DAB1: variants seen among roughly 807,000 people sequenced by gnomAD.
DAB1 encodes DAB adaptor protein 1, also known as disabled homolog 1.
A neutral mutation model predicts 64.6 loss-of-function variants in DAB1; 15 were observed. The ratio of observed to expected loss-of-function variants is 0.23; its 90% CI spans 0.16 to 0.36. The LOEUF (loss-of-function observed/expected upper bound fraction) is 0.36. Ranked by LOEUF, DAB1 falls within the 10% of genes least tolerant of loss-of-function variation. DAB1 has a pLI of 1.00. For synonymous variants in DAB1, 235 were observed against 251.9 expected (o/e 0.93, Z 0.64); for missense variants, 596 against 706.7 (o/e 0.84, Z 1.78).
chr1:58,195,319 T>C (rs1299115820), intron 4 of DAB1, among the ~76,000 whole-genome samples: 1 of 152,168 alleles, frequency 6.6e-6, no homozygotes, highest in Admixed American at 6.5e-5. Flanking sequence ...GAAAGATAAC[T>C]GACTTAAGGA....
At chr1:57,922,044 C>G (rs539378898) in intron 5 of DAB1, among the ~76,000 whole-genome samples, 131 of 152,304 alleles carry the variant, frequency 8.6e-4, no homozygotes, top group African/African-American at 3.1e-3. Flanking sequence ...TAAATATCAC[C>G]CTATCCTTTT....
intron 4 of DAB1, among the ~76,000 whole-genome samples, chr1:58,155,044 G>A (rs1026276344): frequency 6.6e-6 from 1 of 152,130 alleles, no homozygotes; most frequent in African/African-American, 2.4e-5. Context: ...CCAAAAAAGG[G>A]CACTACTCAG....
intron 10 of DAB1, 35 bp from the exon 11 acceptor site, chr1:57,023,674 C>T (rs1473216210): frequency 1.4e-6 from 2 of 1,387,822 alleles, no homozygotes; most frequent in Middle Eastern, 1.8e-4. Context: ...ACACATGAGA[C>T]CTGGCTTAGC....
chr1:57,057,647 G>A (rs919804014), intron 9 of DAB1, among the ~76,000 whole-genome samples: 41 of 139,800 alleles, frequency 2.9e-4, no homozygotes, highest in Middle Eastern at 3.8e-3. Flanking sequence ...TCGTTCTGTT[G>A]CCCAGGCTGG....
chr1:57,812,164 G>C (rs144268828), intron 6 of DAB1, among the ~76,000 whole-genome samples: 13 of 151,954 alleles, frequency 8.6e-5, no homozygotes, highest in African/African-American at 3.1e-4. Flanking sequence ...CATGGAGAAG[G>C]TGCCAGTATA....
rs1315978240 is a variant in DAB1 at position 57,014,964 on chromosome 1, C to T, written c.1363G>A (p.Asp455Asn). 1.9e-6 allele frequency: 3 copies of T among 1,613,856 alleles called. No individual in the cohort carries two copies. The highest frequency in any genetic ancestry group is 2.2e-5 in the East Asian group (1 of 44,870). Residue 455 changes from aspartate to asparagine, a missense_variant, in exon 12 of 15, where the codon GAT (aspartate) becomes AAT (asparagine). Around this residue, in one of 3 missense-constraint regions of DAB1, gnomAD observed 377 missense variants for 400.4 expected, o/e 0.94. Transcript: ENST00000371236. ...SYFNKVGVAQ[D>N]TDDCDDFDIS... is the part of the protein sequence containing the mutation. Reference sequence around the variant, plus strand: ...TCAAAGTCATCACAGTCGTCTGTATCCTGTGCCACCCCGACTTTGTTGAAG... The same window carrying T: ...TCAAAGTCATCACAGTCGTCTGTATTCTGTGCCACCCCGACTTTGTTGAAG...
intron 1 of DAB1, among the ~76,000 whole-genome samples, chr1:57,292,474 T>G (rs537529397): frequency 6.6e-6 from 1 of 152,264 alleles, no homozygotes; most frequent in African/African-American, 2.4e-5. Context: ...CATGAAACCA[T>G]ACACAGAAAA....
intron 3 of DAB1, among the ~76,000 whole-genome samples, chr1:58,408,012 C>T (rs1457486835): frequency 3.9e-5 from 6 of 152,186 alleles, no homozygotes; most frequent in Non-Finnish European, 8.8e-5. Flanking sequence ...CTCTCTGTTT[C>T]TCTAACATGG....
At chr1:57,128,152 A>AAAT (rs1657315296) in intron 4 of DAB1, among the ~76,000 whole-genome samples, 2 of 103,194 alleles carry the variant, frequency 1.9e-5, no homozygotes, top group South Asian at 6.1e-4. Flanking sequence ...TCAAAAAATA[A>AAAT]AAATAAATAA....
chr1:57,429,759 A>G lies in DAB1; in HGVS notation n.626-138593T>C, dbSNP rs544447147. Among the ~76,000 whole-genome samples, 33 of 152,176 alleles carry G rather than the reference A, an allele frequency of 2.2e-4. 1 individual carries two copies. The South Asian group carries it at 4.8e-3, about 22-fold the overall frequency. On this transcript the variant is annotated intron_variant and non_coding_transcript_variant, in intron 7 of 20. Coordinates refer to the DAB1 transcript ENST00000485760. ...TTGAAAAGACTATCCTTTCCCCTTT[A>G]TGTATGCTTGGTGACTTTACCAAAG...
chr1:57,319,638 T>C (rs903760279), intron 1 of DAB1, among the ~76,000 whole-genome samples: 5 of 152,164 alleles, frequency 3.3e-5, no homozygotes, highest in African/African-American at 1.2e-4. Flanking sequence ...TCCCTTACAC[T>C]GCCTTTTCTT....
At chr1:57,810,681 A>G (rs756896673) in intron 6 of DAB1, among the ~76,000 whole-genome samples, 5 of 152,108 alleles carry the variant, frequency 3.3e-5, no homozygotes, top group Non-Finnish European at 5.9e-5. Context: ...GCCCAATACC[A>G]AGATATGTTA....
At chr1:57,471,408 T>C (rs1175763104) in intron 7 of DAB1, among the ~76,000 whole-genome samples, 1 of 152,208 alleles carries the variant, frequency 6.6e-6, no homozygotes, top group African/African-American at 2.4e-5. Flanking sequence ...ATGCACTTCA[T>C]AATTGTGGGA....
chr1:58,240,249 T>C (rs1660231480), intron 4 of DAB1, among the ~76,000 whole-genome samples: 1 of 152,236 alleles, frequency 6.6e-6, no homozygotes, highest in Non-Finnish European at 1.5e-5. Context: ...GCCAGTTGAC[T>C]GGGTTCTGGC....
chr1:57,363,533 T>G lies in DAB1; in HGVS notation c.-137+60397A>C, dbSNP rs140931687. ...TTTCCTCATTGTAAAATGGTGATAA[T>G]AATAGTTCTCACCTCATAGTGTTTT... On this transcript the variant is annotated intron_variant, in intron 1 of 14. Coordinates refer to ENST00000371236, the MANE Select transcript of DAB1 (RefSeq NM_001365792.1). 4.0e-3 allele frequency among the ~76,000 whole-genome samples: 603 copies of G among 152,316 alleles called. 5 individuals are homozygous for G. The highest frequency in any genetic ancestry group is 0.014 in the African/African-American group (576 of 41,572).
intron 5 of DAB1, among the ~76,000 whole-genome samples, chr1:58,053,362 G>A (rs1255294952): frequency 4.6e-5 from 7 of 152,196 alleles, no homozygotes; most frequent in African/African-American, 1.7e-4. Flanking sequence ...GCACATGGCA[G>A]AAAGTAGAAG....
chr1:58,141,380 T>G (rs1006202648), intron 5 of DAB1, among the ~76,000 whole-genome samples: 1 of 151,956 alleles, frequency 6.6e-6, no homozygotes, highest in African/African-American at 2.4e-5. Context: ...TTATTCACTA[T>G]CACGAGAACA....
intron 5 of DAB1, among the ~76,000 whole-genome samples, chr1:58,091,094 G>A (rs1650630276): frequency 6.6e-6 from 1 of 152,172 alleles, no homozygotes. Flanking sequence ...TTCCAACAGA[G>A]ACCTACAGAC....
chr1:58,219,478 CA>C (rs1659043640), intron 4 of DAB1, among the ~76,000 whole-genome samples: 1 of 152,166 alleles, frequency 6.6e-6, no homozygotes, highest in Non-Finnish European at 1.5e-5. Flanking sequence ...ACCCAATCTC[CA>C]CTCCCACCAA....
Sources: allele counts gnomAD v4.1 joint callset (sites outside exome capture counted in the v4.1 genomes callset), GRCh38; gene constraint gnomAD v4.1.1; regional missense constraint gnomAD v4.1.1; transcripts MANE v1.5; gene names NCBI Gene and HGNC (gene_info 2026-07-23, HGNC 2026-07-21).